LUZP2: variants seen among roughly 807,000 people sequenced by gnomAD.
LUZP2 encodes the protein leucine zipper protein 2.
In LUZP2, 52 loss-of-function variants were observed where a neutral mutation model predicts 51.6. The observed-to-expected ratio is 1.01, with a 90% CI of 0.81 to 1.27. LUZP2 has a LOEUF of 1.27. Among genes scored for constraint, LUZP2 ranks in the 50% most tolerant of loss-of-function variants. LUZP2 has a pLI of 0.00. For missense variants in LUZP2, 436 were observed against 395.4 expected (o/e 1.10, Z -0.87); for synonymous variants, 154 against 137.3 (o/e 1.12, Z -0.85).
At chr11:24,743,551 C>T (rs1258987731) in intron 4 of LUZP2, among the ~76,000 whole-genome samples, 4 of 152,048 alleles carry the variant, frequency 2.6e-5, no homozygotes, top group African/African-American at 9.7e-5. Context: ...TATCCAGAAA[C>T]TTTACTGAAT....
At chr11:24,852,289 G>T (rs956871491) in intron 5 of LUZP2, among the ~76,000 whole-genome samples, 2 of 152,142 alleles carry the variant, frequency 1.3e-5, no homozygotes, top group African/African-American at 4.8e-5. Context: ...GTGTCCCAGA[G>T]ATTCTGGTAC....
At chr11:25,026,076 G>A (rs1432581345) in intron 9 of LUZP2, among the ~76,000 whole-genome samples, 2 of 151,000 alleles carry the variant, frequency 1.3e-5, no homozygotes, top group African/African-American at 4.9e-5. Context: ...CTCACTCATA[G>A]GTGGGAATTG....
At chr11:24,731,866 A>G (rs1354153733) in intron 2 of LUZP2, among the ~76,000 whole-genome samples, 1 of 151,726 alleles carries the variant, frequency 6.6e-6, no homozygotes, top group Non-Finnish European at 1.5e-5. Context: ...AGAGACCTAG[A>G]TATTTGGAGA....
At chr11:24,752,394 A>C (rs947470903) in intron 4 of LUZP2, among the ~76,000 whole-genome samples, 1 of 152,174 alleles carries the variant, frequency 6.6e-6, no homozygotes, top group Admixed American at 6.6e-5. Context: ...AAAGCACGTA[A>C]AGCATGGAAG....
chr11:24,497,703 C>A (rs559430967), intron 1 of LUZP2, among the ~76,000 whole-genome samples: 12 of 152,314 alleles, frequency 7.9e-5, no homozygotes, highest in African/African-American at 2.6e-4. Context: ...AACCATAGAG[C>A]TTCTCCCTTC....
chr11:24,557,391 T>C (rs1025305683), intron 1 of LUZP2, among the ~76,000 whole-genome samples: 1 of 152,194 alleles, frequency 6.6e-6, no homozygotes, highest in East Asian at 1.9e-4. Context: ...ATTATGGTTT[T>C]GAGTAAAATT....
chr11:25,074,763 A>G (rs7108394), intron 10 of LUZP2, among the ~76,000 whole-genome samples: 80,038 of 151,964 alleles, frequency 0.53, 21,758 homozygotes, highest in African/African-American at 0.6. Flanking sequence ...TGCAAACCCC[A>G]TATTTATAGG....
intron 7 of LUZP2, among the ~76,000 whole-genome samples, chr11:24,957,812 G>C (rs1406464615): frequency 2.6e-5 from 4 of 151,986 alleles, no homozygotes; most frequent in African/African-American, 4.8e-5. Context: ...GTGCAGGTTA[G>C]TTACATATGT....
At chr11:24,574,988 G>A (rs1354934006) in intron 1 of LUZP2, among the ~76,000 whole-genome samples, 4 of 152,134 alleles carry the variant, frequency 2.6e-5, no homozygotes, top group Non-Finnish European at 5.9e-5. Flanking sequence ...GGGGAGAGTT[G>A]AGGTTGTCTT....
chr11:24,622,269 C>T (rs1310271179), intron 1 of LUZP2, among the ~76,000 whole-genome samples: 1 of 150,364 alleles, frequency 6.7e-6, no homozygotes, highest in Admixed American at 6.6e-5. Flanking sequence ...CTAATGCTAT[C>T]CCTCCCCTCT....
intron 5 of LUZP2, among the ~76,000 whole-genome samples, chr11:24,777,534 G>GA (rs1483633632): frequency 6.6e-6 from 1 of 152,084 alleles, no homozygotes; most frequent in Non-Finnish European, 1.5e-5. Flanking sequence ...GATTCCTAAT[G>GA]AAAATCTAAT....
chr11:24,839,279 T>C (rs1217811570), intron 5 of LUZP2, among the ~76,000 whole-genome samples: 1 of 151,706 alleles, frequency 6.6e-6, no homozygotes, highest in Admixed American at 6.6e-5. Flanking sequence ...ATTGCAAGCC[T>C]GATTTTCAAT....
chr11:24,620,692 AAAGT>A (rs1854464332), intron 1 of LUZP2, among the ~76,000 whole-genome samples: 1 of 152,200 alleles, frequency 6.6e-6, no homozygotes, highest in South Asian at 2.1e-4. Context: ...GGACAGCTGC[AAAGT>A]AAGTCCTGTG....
In LUZP2 at chr11:24,885,065, A is replaced by G. The variant is rs74382311; in HGVS notation, c.397-20926A>G. Among the ~76,000 whole-genome samples, 1,022 of 152,198 alleles carry G rather than the reference A, an allele frequency of 6.7e-3. 15 individuals carry two copies. The highest frequency in any genetic ancestry group is 0.057 in the East Asian group (294 of 5,184). On this transcript the variant is annotated intron_variant, in intron 5 of 11. Coordinates refer to ENST00000336930, the MANE Select transcript of LUZP2 (RefSeq NM_001009909.4). ...GAAGTGCCTGTTTTAGAGAAAGAGC[A>G]AATCAGACAGAGAGACATATCATCA... is the stretch of plus-strand genomic sequence containing the variant.
chr11:24,569,432 G>A (rs997619515), intron 1 of LUZP2, among the ~76,000 whole-genome samples: 3 of 151,964 alleles, frequency 2.0e-5, no homozygotes, highest in South Asian at 2.1e-4. Flanking sequence ...CTTCTATTCA[G>A]TAGGTCTAGG....
At chr11:24,787,673 G>C (rs1170377803) in intron 5 of LUZP2, among the ~76,000 whole-genome samples, 1 of 152,028 alleles carries the variant, frequency 6.6e-6, no homozygotes, top group African/African-American at 2.4e-5. Context: ...TTCTATGCAA[G>C]ATTTTTTATT....
At chr11:24,977,294 A>T (rs1469350879) in intron 8 of LUZP2, among the ~76,000 whole-genome samples, 1 of 151,668 alleles carries the variant, frequency 6.6e-6, no homozygotes, top group East Asian at 1.9e-4. Context: ...TATACCTACA[A>T]CATATAATGT....
chr11:24,698,253 C>G (rs1330518711), intron 1 of LUZP2, among the ~76,000 whole-genome samples: 1 of 152,192 alleles, frequency 6.6e-6, no homozygotes, highest in Non-Finnish European at 1.5e-5. Context: ...GAAATTCAGC[C>G]TACCCTCCAA....
chr11:24,958,450 T>C (rs935113271), intron 7 of LUZP2, among the ~76,000 whole-genome samples: 1 of 152,180 alleles, frequency 6.6e-6, no homozygotes, highest in East Asian at 1.9e-4. Context: ...CCATTCTAAC[T>C]GGTGTGAGAT....
Sources: allele counts gnomAD v4.1 joint callset (sites outside exome capture counted in the v4.1 genomes callset), GRCh38; gene constraint gnomAD v4.1.1; transcripts MANE v1.5; gene names NCBI Gene and HGNC (gene_info 2026-07-23, HGNC 2026-07-21).